The following TNIK variants were observed in gnomAD, a reference collection of about 807,000 sequenced individuals.
TNIK encodes the protein TRAF2 and NCK-interacting protein kinase.
A neutral mutation model predicts 191.3 loss-of-function variants in TNIK; 49 were observed. The ratio of observed to expected loss-of-function variants is 0.26; its 90% CI spans 0.20 to 0.32. TNIK has a LOEUF of 0.32. TNIK is among the 10% of genes least tolerant of loss of function. The probability of loss-of-function intolerance (pLI) is 1.00; values close to 1 mark genes in which losing one functional copy is unlikely to be tolerated. For synonymous variants in TNIK, 594 were observed against 600.9 expected (o/e 0.99, Z 0.17); for missense variants, 1,155 against 1,702.3 (o/e 0.68, Z 5.66).
chr3:171,412,992 C>T (rs960241841), intron 1 of TNIK, among the ~76,000 whole-genome samples: 9 of 152,190 alleles, frequency 5.9e-5, no homozygotes, highest in African/African-American at 1.7e-4. Flanking sequence ...AGCAGGCAAA[C>T]TATACCTTGG....
intron 1 of TNIK, among the ~76,000 whole-genome samples, chr3:171,383,975 A>T (rs979819037): frequency 3.3e-5 from 5 of 152,034 alleles, no homozygotes; most frequent in African/African-American, 1.2e-4. Flanking sequence ...GCTACAGCAC[A>T]CCTCTCCCCA....
At chr3:171,402,188 A>T (rs1343939556) in intron 1 of TNIK, among the ~76,000 whole-genome samples, 2 of 152,244 alleles carry the variant, frequency 1.3e-5, no homozygotes, top group African/African-American at 4.8e-5. Context: ...GACTTAAGAA[A>T]TTGAATGGAA....
chr3:171,175,272 A>T lies in TNIK; in HGVS notation c.753T>A (p.Pro251=), dbSNP rs766327905. The T allele has an allele frequency of 3.1e-6, 5 of 1,612,900 alleles. No homozygotes were observed. In the South Asian group the frequency reaches 5.5e-5, roughly 18 times the overall value. Residue 251 remains proline (P), a synonymous_variant, in exon 9 of 33, where the codon CCT becomes CCA. Transcript: ENST00000436636. ...CTCACCACTTCTTAGACTTCAGCCG[A>T]GGCGCTGGGTTCCGGGGGATGAGGA... ...ALFLIPRNPA[P]RLKSKKWSKK...
intron 2 of TNIK, among the ~76,000 whole-genome samples, chr3:171,316,488 A>T (rs1754610585): frequency 2.6e-5 from 4 of 152,196 alleles, no homozygotes; most frequent in Admixed American, 2.6e-4. Flanking sequence ...TTCCCTGCTG[A>T]CCAAACAGTA....
At chr3:171,417,273 GTAGCA>G (rs1723210053) in intron 1 of TNIK, among the ~76,000 whole-genome samples, 1 of 152,228 alleles carries the variant, frequency 6.6e-6, no homozygotes, top group East Asian at 1.9e-4. Flanking sequence ...CAATAAATTA[GTAGCA>G]TATCTTATTT....
At chr3:171,071,450 G>A (rs1719162920) in intron 28 of TNIK, 127 bp from the exon 29 acceptor site, 3 of 747,442 alleles carry the variant, frequency 4.0e-6, no homozygotes, top group East Asian at 5.6e-5. Flanking sequence ...GCTTCATGAA[G>A]GTGATATTCC....
chr3:171,176,714 T>C (rs1457472458), intron 8 of TNIK, among the ~76,000 whole-genome samples: 1 of 152,206 alleles, frequency 6.6e-6, no homozygotes, highest in East Asian at 1.9e-4. Flanking sequence ...TGCGGCCTGC[T>C]GCCATTGCAG....
intron 1 of TNIK, among the ~76,000 whole-genome samples, chr3:171,385,340 G>C (rs1455130199): frequency 6.6e-6 from 1 of 152,072 alleles, no homozygotes; most frequent in East Asian, 1.9e-4. Flanking sequence ...AAATCAGAAG[G>C]GAGTCTCACG....
rs375363615 is a variant in TNIK at position 171,180,261 on chromosome 3, C to T, written c.640-2881G>A. On this transcript the variant is annotated intron_variant, in intron 7 of 32. Transcript: ENST00000436636. ...TCAGCAGTGATGTGCTAGCTGACTC[C>T]CTCACCTCCCCAAAGCCTGCTCAAC... 9.2e-5 allele frequency among the ~76,000 whole-genome samples: 14 copies of T among 152,256 alleles called. No homozygotes were observed. The South Asian group carries it at 2.9e-3, about 32-fold the overall frequency.
chr3:171,336,331 GCA>G (rs1489295510), intron 2 of TNIK, among the ~76,000 whole-genome samples: 2 of 152,060 alleles, frequency 1.3e-5, no homozygotes, highest in Non-Finnish European at 2.9e-5. Context: ...TAACAACTGA[GCA>G]CACTCTTAAC....
At chr3:171,113,185 CT>C (rs1159205052) in intron 18 of TNIK, among the ~76,000 whole-genome samples, 2 of 152,120 alleles carry the variant, frequency 1.3e-5, no homozygotes, top group Non-Finnish European at 2.9e-5. Context: ...CTGTGAATTG[CT>C]TAATTAAATC....
chr3:171,357,823 A>G (rs1396364480), intron 2 of TNIK, among the ~76,000 whole-genome samples: 1 of 152,180 alleles, frequency 6.6e-6, no homozygotes, highest in East Asian at 1.9e-4. Flanking sequence ...CACCGTGTGC[A>G]GTGTGCACGA....
intron 9 of TNIK, among the ~76,000 whole-genome samples, chr3:171,173,406 AAAAAG>A (rs1179398676): frequency 3.6e-4 from 55 of 150,748 alleles, no homozygotes; most frequent in African/African-American, 1.2e-3. Context: ...AAAAAAAAAA[AAAAAG>A]AAAAGAAAAG....
intron 3 of TNIK, among the ~76,000 whole-genome samples, chr3:171,215,816 T>A (rs1472164676): frequency 6.6e-6 from 1 of 152,170 alleles, no homozygotes; most frequent in Non-Finnish European, 1.5e-5. Context: ...GAATAAAACA[T>A]TTAATATTAG....
In TNIK at chr3:171,415,995, AAAG is replaced by A. The variant is rs1193132163; in HGVS notation, c.57+44009_57+44011del. On this transcript the variant is annotated intron_variant, in intron 1 of 32. Transcript: ENST00000436636. ...TCTCAAAAAAAAAAAAAAAAAAAAA[AAAG>A]AAAGAAAAAGAAAGAAAGGAAGAAA... Among the ~76,000 whole-genome samples, 5 of 106,636 alleles carry A rather than the reference AAAG, an allele frequency of 4.7e-5. 1 individual carries two copies. Among genetic ancestry groups the A allele is most frequent in the African/African-American group, 7.2e-5 (2 of 27,924 alleles). 70.0% of individuals were successfully genotyped at this position (106,636 alleles called of 152,430 possible). A position where few individuals can be genotyped will look rare whatever the true frequency, so the allele number is the denominator to read the frequency against.
At chr3:171,075,559 GGT>G (rs1719786164) in intron 28 of TNIK, among the ~76,000 whole-genome samples, 1 of 152,132 alleles carries the variant, frequency 6.6e-6, no homozygotes, top group African/African-American at 2.4e-5. Context: ...TCCCGCATGT[GGT>G]CTGGTTTATG....
intron 2 of TNIK, among the ~76,000 whole-genome samples, chr3:171,279,437 T>C (rs1264505747): frequency 2.0e-5 from 3 of 152,216 alleles, no homozygotes; most frequent in African/African-American, 4.8e-5. Flanking sequence ...AAAGGACTTA[T>C]ACTTTTTTAG....
intron 12 of TNIK, among the ~76,000 whole-genome samples, chr3:171,142,547 G>A (rs1480397818): frequency 6.6e-6 from 1 of 152,238 alleles, no homozygotes; most frequent in Non-Finnish European, 1.5e-5. Flanking sequence ...GGCAGGTGAA[G>A]TCCCCGGCCA....
chr3:171,249,450 C>A (rs1745986486), intron 2 of TNIK, among the ~76,000 whole-genome samples: 1 of 152,142 alleles, frequency 6.6e-6, no homozygotes, highest in African/African-American at 2.4e-5. Flanking sequence ...ACAGAGTGGC[C>A]TGCTGCCAAC....
Sources: allele counts gnomAD v4.1 joint callset (sites outside exome capture counted in the v4.1 genomes callset), GRCh38; gene constraint gnomAD v4.1.1; transcripts MANE v1.5; gene names NCBI Gene and HGNC (gene_info 2026-07-23, HGNC 2026-07-21).